The following SH3TC1 variants were observed in gnomAD, a reference collection of about 807,000 sequenced individuals.
The protein encoded by SH3TC1 is SH3 domain and tetratricopeptide repeat-containing protein 1.
A neutral mutation model predicts 117.3 loss-of-function variants in SH3TC1; 135 were observed. The observed-to-expected ratio is 1.15, with a 90% CI of 1.00 to 1.33. SH3TC1 has a LOEUF of 1.33. Among genes scored for constraint, SH3TC1 ranks in the 40% most tolerant of loss-of-function variants. SH3TC1 has a pLI of 0.00. For synonymous variants in SH3TC1, 898 were observed against 816.9 expected (o/e 1.10, Z -1.69); for missense variants, 2,092 against 1,794.3 (o/e 1.17, Z -3.00).
At chr4:8,222,737 C>A (rs2152989014) in intron 9 of SH3TC1, 103 bp from the exon 10 acceptor site, 1 of 1,437,612 alleles carries the variant, frequency 7.0e-7, no homozygotes, top group East Asian at 2.4e-5. Context: ...GAGTAGTGCT[C>A]CGAGACTATC....
chr4:8,235,152 T>G (rs1578749909), intron 14 of SH3TC1, among the ~76,000 whole-genome samples: 1 of 151,966 alleles, frequency 6.6e-6, no homozygotes, highest in Non-Finnish European at 1.5e-5. Context: ...TGGAGGCTGG[T>G]TTGAGTGCAG....
chr4:8,225,364 C>T lies in SH3TC1; in HGVS notation c.1285+148C>T. 3 of 863,808 alleles carry T rather than the reference C, an allele frequency of 3.5e-6. No homozygotes were observed. The highest frequency in any genetic ancestry group is 2.2e-5 in the Admixed American group (1 of 45,178). The allele number at this position is 863,808 out of a possible 1,614,324, so 53.5% of individuals were successfully genotyped here. A position where few individuals can be genotyped will look rare whatever the true frequency, so the allele number is the denominator to read the frequency against. On this transcript the variant is annotated intron_variant, in intron 11 of 17. Transcript: ENST00000245105. The surrounding 1 kb of genome is among the most constrained non-coding windows in gnomAD (Gnocchi z 5.5). ...GGGCTGGGGGCTTGGGGGAGGTTGC[C>T]TGAGGTGGGCCTGAACCTCCCGTCC...
Position 8,190,791 on chromosome 4 carries a change from C to T in SH3TC1, c.-57+8581C>T, listed in dbSNP as rs1276148782. Among the ~76,000 whole-genome samples, 2 of 152,146 alleles carry T rather than the reference C, an allele frequency of 1.3e-5. No individual in the cohort carries two copies. Among genetic ancestry groups the T allele is most frequent in the Non-Finnish European group, 2.9e-5 (2 of 68,020 alleles). On this transcript the variant is annotated intron_variant, in intron 1 of 16. Coordinates refer to the SH3TC1 transcript ENST00000508641. The surrounding 1 kb of genome is among the most constrained non-coding windows in gnomAD (Gnocchi z 4.7). ...GAGCAGCTGGGACTACAGGCACGCA[C>T]CACCATGCCCAGCTAATTTTTTTGT...
intron 14 of SH3TC1, among the ~76,000 whole-genome samples, chr4:8,234,497 ATCCATCCATTCATCTGTCCATCCGTCCG>A (rs1281084389): frequency 6.7e-6 from 1 of 148,238 alleles, no homozygotes; most frequent in African/African-American, 2.5e-5. Flanking sequence ...CCATCCACCC[ATCCATCCATTCATCTGTCCATCCGTCCG>A]TCCATCCATC....
Position 8,227,394 on chromosome 4 carries a change from G to A in SH3TC1, c.1700G>A (p.Gly567Glu), listed in dbSNP as rs1720577485. Reference sequence around the variant, plus strand: ...CTGGCCAGGCTCTGCTTCCTCCTGGGGCGGCTGTGCAGCAGGAGGCTCAAG... The same window carrying A: ...CTGGCCAGGCTCTGCTTCCTCCTGGAGCGGCTGTGCAGCAGGAGGCTCAAG... The part of the protein sequence containing the change: ...MALARLCFLL[G>E]RLCSRRLKLS... The change falls in exon 12 of 18, where the codon GGG (glycine) becomes GAG (glutamate). Residue 567 changes from glycine (G) to glutamate (E), a missense_variant. Physicochemically the swap from Gly to Glu is moderately conservative, Grantham distance 98 (BLOSUM62 -2). Transcript: ENST00000245105. The A allele has an allele frequency of 4.5e-6, 7 of 1,553,650 alleles. No homozygotes were observed. In the East Asian group the frequency reaches 1.6e-4, roughly 35 times the overall value.
chr4:8,239,069 G>C (rs970230518), intron 17 of SH3TC1, among the ~76,000 whole-genome samples: 7 of 152,210 alleles, frequency 4.6e-5, no homozygotes, highest in African/African-American at 1.7e-4. Flanking sequence ...CTGGCAGAGA[G>C]GCAGGGGTAA....
At chr4:8,200,988 C>G (rs921344160) in intron 1 of SH3TC1, among the ~76,000 whole-genome samples, 1 of 152,224 alleles carries the variant, frequency 6.6e-6, no homozygotes, top group Non-Finnish European at 1.5e-5. Context: ...CTGCGCAGAC[C>G]ATTTCCAAAT....
chr4:8,230,852 G>C (rs1170736008), intron 12 of SH3TC1, among the ~76,000 whole-genome samples: 1 of 147,436 alleles, frequency 6.8e-6, no homozygotes, highest in South Asian at 2.1e-4. Flanking sequence ...GTGCAATCTC[G>C]GCTCACTGCA....
intron 11 of SH3TC1, among the ~76,000 whole-genome samples, chr4:8,226,605 T>G (rs937083663): frequency 6.6e-6 from 1 of 152,216 alleles, no homozygotes; most frequent in Admixed American, 6.5e-5. Flanking sequence ...TGCGTACACT[T>G]GGGTGCAGTT....
In SH3TC1 at chr4:8,205,262, C is replaced by T. The variant is rs1196549633; in HGVS notation, c.68C>T (p.Ser23Leu). 3.2e-6 allele frequency: 5 copies of T among 1,550,600 alleles called. No homozygotes were observed. The highest frequency in any genetic ancestry group is 4.4e-6 in the Non-Finnish European group (5 of 1,147,106). The part of the protein sequence containing the change: ...TPMGRGPVGP[S>L]GGGSTRDQVR... Reference sequence around the variant, plus strand: ...ATGGGGAGGGGTCCTGTGGGACCCTCAGGAGGTGGCAGCACCCGGGACCAG... The same window carrying T: ...ATGGGGAGGGGTCCTGTGGGACCCTTAGGAGGTGGCAGCACCCGGGACCAG... The change falls in exon 2 of 18, where the codon TCA becomes TTA. Residue 23 changes from serine (S) to leucine (L), a missense_variant. Physicochemically the swap from Ser to Leu is moderately radical, Grantham distance 145. Coordinates refer to ENST00000245105, the MANE Select transcript of SH3TC1 (RefSeq NM_018986.5). This position sits in a 1 kb window ranked among gnomAD's most constrained non-coding sequence, Gnocchi z 5.4.
intron 1 of SH3TC1, among the ~76,000 whole-genome samples, chr4:8,193,700 G>A (rs968294762): frequency 2.0e-5 from 3 of 152,210 alleles, no homozygotes; most frequent in African/African-American, 7.2e-5. Flanking sequence ...ACAAAGCAGA[G>A]CTGAGATGGG....
Position 8,227,788 on chromosome 4 carries a change from G to T in SH3TC1, c.2094G>T (p.Ser698=), listed in dbSNP as rs771910935. 7 of 1,612,578 alleles carry T rather than the reference G, an allele frequency of 4.3e-6. No homozygotes were observed. The African/African-American group carries it at 6.7e-5, about 15-fold the overall frequency. The part of the protein sequence containing the change: ...LERLLLLHRD[S]GAPEAAWLSD... ...GGCTGCTGCTTTTGCACAGGGACTC[G>T]GGAGCCCCAGAGGCCGCGTGGCTCT... Residue 698 remains serine (S), a synonymous_variant, in exon 12 of 18, where the codon TCG becomes TCT. Transcript: ENST00000245105.
chr4:8,222,549 T>C (rs2002574), intron 9 of SH3TC1, among the ~76,000 whole-genome samples: 51,977 of 151,288 alleles, frequency 0.34, 9,612 homozygotes, highest in East Asian at 0.56. Flanking sequence ...AATTTTTGTA[T>C]TTTTGTAGAG....
intron 11 of SH3TC1, among the ~76,000 whole-genome samples, chr4:8,226,599 TA>T: frequency 6.6e-6 from 1 of 152,360 alleles, no homozygotes; most frequent in South Asian, 2.1e-4. Context: ...TAGTGCTGCG[TA>T]CACTTGGGTG....
At chr4:8,189,967 C>A (rs1717365384) in intron 1 of SH3TC1, among the ~76,000 whole-genome samples, 1 of 152,182 alleles carries the variant, frequency 6.6e-6, no homozygotes, top group Non-Finnish European at 1.5e-5. Flanking sequence ...CGGGAAGGGA[C>A]TGCTGGGCTT....
chr4:8,236,181 G>A (rs1721795143), intron 15 of SH3TC1, 97 bp from the exon 16 acceptor site: 3 of 1,389,386 alleles, frequency 2.2e-6, no homozygotes, highest in Non-Finnish European at 2.8e-6. Flanking sequence ...GGGGTAGCTG[G>A]GGCGTGGGAA....
At position 8,237,950 on chromosome 4, in the gene SH3TC1, G is replaced by A. The variant is rs565827602; in HGVS notation, c.3753+280G>A. ...AAGAAGGGGGATTGTAGTCAGGGGGGCCCTCCTGGAGAAGGGGACACCAAA... is the reference window on the plus strand; with the variant it reads ...AAGAAGGGGGATTGTAGTCAGGGGGACCCTCCTGGAGAAGGGGACACCAAA... On this transcript the variant is annotated intron_variant, in intron 17 of 17. Coordinates refer to ENST00000245105, the MANE Select transcript of SH3TC1 (RefSeq NM_018986.5). Among the ~76,000 whole-genome samples the A allele has an allele frequency of 3.9e-5, 6 of 152,270 alleles. No homozygotes were observed. The South Asian group carries it at 6.2e-4, about 16-fold the overall frequency.
rs572448718 is a variant in SH3TC1 at position 8,233,440 on chromosome 4, C to T, written c.3209C>T (p.Ala1070Val). Residue 1070 changes from alanine to valine, a missense_variant, in exon 14 of 18, where the codon GCG becomes GTG. Transcript: ENST00000245105. ...FIDLQKKEKE[A>V]HAWLQAGKIY... ...GACCTCCAGAAGAAAGAGAAGGAGG[C>T]GCATGCCTGGCTGCAAGCAGGGAAG... 27 of 1,613,874 alleles carry T rather than the reference C, an allele frequency of 1.7e-5. No individual in the cohort carries two copies. The highest frequency in any genetic ancestry group is 3.3e-4 in the Middle Eastern group (2 of 6,050).
intron 11 of SH3TC1, 93 bp from the exon 12 acceptor site, chr4:8,226,887 A>C: frequency 1.1e-6 from 1 of 895,126 alleles, no homozygotes; most frequent in Non-Finnish European, 1.6e-6. Context: ...TGCGCCGGGG[A>C]CACAGAGGCT....
Sources: allele counts gnomAD v4.1 joint callset (sites outside exome capture counted in the v4.1 genomes callset), GRCh38; gene constraint gnomAD v4.1.1; non-coding constraint Gnocchi (gnomAD v3.1); transcripts MANE v1.5; gene names NCBI Gene and HGNC (gene_info 2026-07-23, HGNC 2026-07-21).